The following ZGPAT variants were observed in gnomAD, a reference collection of about 807,000 sequenced individuals.
ZGPAT encodes the protein zinc finger CCCH-type with G patch domain-containing protein.
Under a neutral mutation model 47.9 loss-of-function variants are expected in ZGPAT, and 39 were observed. The observed-to-expected ratio is 0.81, with a 90% CI of 0.63 to 1.06. The LOEUF (loss-of-function observed/expected upper bound fraction) is 1.06, where lower values mean the gene tolerates loss of function less well. ZGPAT is among the 50% of genes least tolerant of loss of function. The pLI is 0.00. For synonymous variants in ZGPAT, 348 were observed against 292.9 expected, an observed-to-expected ratio of 1.19 and a Z score of -1.92; for missense variants, 717 against 681.4, an observed-to-expected ratio of 1.05 and a Z score of -0.58.
intron 2 of ZGPAT, among the ~76,000 whole-genome samples, chr20:63,729,258 G>C (rs1395016007): frequency 6.6e-6 from 1 of 152,070 alleles, no homozygotes; most frequent in Non-Finnish European, 1.5e-5. Flanking sequence ...TCAAACTCCT[G>C]ACCTCAAGTG....
chr20:63,735,902 A>G lies in ZGPAT; in HGVS notation c.1519A>G (p.Lys507Glu). 1 of 1,612,636 alleles carries G rather than the reference A, an allele frequency of 6.2e-7. No individual in the cohort carries two copies. The highest frequency in any genetic ancestry group is 8.5e-7 in the Non-Finnish European group (1 of 1,179,790). ...GCAGAGGAAGGCAGACACCCACAAG[A>G]AGATGACTGAGTTCTAGAGACCCCA... ...QEQRKADTHK[K>E]MTEF Residue 507 changes from lysine to glutamate, a missense_variant, in exon 7 of 7, where the codon AAG (lysine) becomes GAG (glutamate). By Grantham distance (56) the Lys-to-Glu change is moderately conservative. Transcript: ENST00000355969.
chr20:63,718,056 A>G (rs990855587), intron 2 of ZGPAT, among the ~76,000 whole-genome samples: 27 of 151,968 alleles, frequency 1.8e-4, no homozygotes, highest in African/African-American at 5.3e-4. Context: ...GAAAAGAAAA[A>G]AAAAAGTTTT....
At chr20:63,728,494 G>T (rs867888449) in intron 2 of ZGPAT, among the ~76,000 whole-genome samples, 2 of 152,174 alleles carry the variant, frequency 1.3e-5, no homozygotes, top group Non-Finnish European at 2.9e-5. Context: ...TGTGAGTTCA[G>T]CCAGCCCCTC....
chr20:63,718,036 T>TC (rs2091748618), intron 2 of ZGPAT, among the ~76,000 whole-genome samples: 1 of 151,130 alleles, frequency 6.6e-6, no homozygotes, highest in African/African-American at 2.4e-5. Flanking sequence ...AAAGCAAAAC[T>TC]CCATCTCAAG....
At chr20:63,718,326 TTTTC>T (rs142326702) in intron 2 of ZGPAT, among the ~76,000 whole-genome samples, 30,011 of 151,542 alleles carry the variant, frequency 0.2, 3,793 homozygotes, top group East Asian at 0.61. Flanking sequence ...CCAAAAAAGT[TTTTC>T]TTTCTTTCTT....
At chr20:63,714,803 C>T (rs972249961) in intron 2 of ZGPAT, among the ~76,000 whole-genome samples, 4 of 151,900 alleles carry the variant, frequency 2.6e-5, no homozygotes, top group Non-Finnish European at 5.9e-5. Context: ...CCACCATGCC[C>T]AGCTAATTTT....
Position 63,735,174 on chromosome 20 carries a change from C to T in ZGPAT, c.1007C>T (p.Ala336Val), listed in dbSNP as rs1379139299. 8.6e-6 allele frequency: 13 copies of T among 1,517,966 alleles called. No homozygotes were observed. The highest frequency in any genetic ancestry group is 1.1e-5 in the Non-Finnish European group (13 of 1,133,218). The allele number at this position is 1,517,966 out of a possible 1,614,324, so 94.0% of individuals were successfully genotyped here. The change falls in exon 6 of 7, where the codon GCG becomes GTG. Residue 336 changes from alanine to valine, a missense_variant. Physicochemically the swap from Ala to Val is moderately conservative, Grantham distance 64 (BLOSUM62 0). Transcript: ENST00000355969. ...GCCTCCGCAGGTTTGGGCCGACACGCGGAAGGCCGGGTGGAGCCCATCCAT... is the reference window on the plus strand; with the variant it reads ...GCCTCCGCAGGTTTGGGCCGACACGTGGAAGGCCGGGTGGAGCCCATCCAT... ...YEFGKGLGRH[A>V]EGRVEPIHAV...
chr20:63,723,747 C>T (rs1013151430), intron 2 of ZGPAT, among the ~76,000 whole-genome samples: 1 of 152,258 alleles, frequency 6.6e-6, no homozygotes, highest in African/African-American at 2.4e-5. Context: ...TTCAGCTCTT[C>T]AGCGTTATAA....
At chr20:63,713,218 C>T (rs533322866) in intron 2 of ZGPAT, among the ~76,000 whole-genome samples, 14 of 151,014 alleles carry the variant, frequency 9.3e-5, no homozygotes, top group African/African-American at 3.2e-4. Context: ...TCACAGGTGC[C>T]TGCCACCACA....
rs2091606538 is a variant in ZGPAT, at chr20:63,708,661, C to T, written c.81C>T (p.Gly27=). 1.2e-6 allele frequency: 2 copies of T among 1,612,518 alleles called. No homozygotes were observed. The highest frequency in any genetic ancestry group is 2.7e-5 in the African/African-American group (2 of 74,936). Residue 27 remains glycine (G), a synonymous_variant, in exon 2 of 7, where the codon GGC becomes GGT. Coordinates refer to ENST00000355969, the MANE Select transcript of ZGPAT (RefSeq NM_181485.3). ...AGGTGGAGCTGGCCTTGGGCGCCGGCCTGGATTCGTCTGAGCAGGCTGACC... is the reference window on the plus strand; with the variant it reads ...AGGTGGAGCTGGCCTTGGGCGCCGGTCTGGATTCGTCTGAGCAGGCTGACC... ...LQQVELALGA[G]LDSSEQADLR...
At chr20:63,713,766 G>C (rs1396453678) in intron 2 of ZGPAT, among the ~76,000 whole-genome samples, 1 of 151,294 alleles carries the variant, frequency 6.6e-6, no homozygotes, top group Non-Finnish European at 1.5e-5. Flanking sequence ...ATCTACTCAG[G>C]AGGCTGAGGC....
chr20:63,709,042 A>T lies in ZGPAT; in HGVS notation c.462A>T (p.Gly154=). ...AGTATCACAACGCCATGGTGGTGGGAACGGAAGAGGCGGAGGATGGCTCGG... is the reference window on the plus strand; with the variant it reads ...AGTATCACAACGCCATGGTGGTGGGTACGGAAGAGGCGGAGGATGGCTCGG... ...TLEYHNAMVV[G]TEEAEDGSAG... is the part of the protein sequence containing the mutation. Residue 154 remains glycine, a synonymous_variant, in exon 2 of 7, where the codon GGA becomes GGT. Transcript: ENST00000355969. 6.2e-7 allele frequency: 1 copy of T among 1,613,654 alleles called. No individual in the cohort carries two copies. The highest frequency in any genetic ancestry group is 8.5e-7 in the Non-Finnish European group (1 of 1,180,004).
At position 63,719,065 on chromosome 20, in the gene ZGPAT, CAAAA is replaced by C. The variant is rs149022199; in HGVS notation, c.584+9913_584+9916del. Among the ~76,000 whole-genome samples, 684 of 146,560 alleles carry C rather than the reference CAAAA, an allele frequency of 4.7e-3. 9 individuals are homozygous for C. Among genetic ancestry groups the C allele is most frequent in the Non-Finnish European group, 4.3e-3 (288 of 66,614 alleles). On this transcript the variant is annotated intron_variant, in intron 2 of 6. Transcript: ENST00000355969. ...TGGGCAACAGTGCGAGACTCCATCT[CAAAA>C]AAAAAAAAAAATGTCATCTCACTGC...
intron 6 of ZGPAT, 102 bp downstream of exon 6, chr20:63,735,666 C>T: frequency 6.6e-7 from 1 of 1,515,058 alleles, no homozygotes; most frequent in South Asian, 1.3e-5. Flanking sequence ...GGGCTGAGTC[C>T]AGGAGGGGTC....
chr20:63,717,968 G>A (rs566065402), intron 2 of ZGPAT, among the ~76,000 whole-genome samples: 10 of 152,182 alleles, frequency 6.6e-5, no homozygotes, highest in African/African-American at 2.2e-4. Flanking sequence ...GCTTGAACCT[G>A]GGAGGCAGAG....
At chr20:63,714,292 G>T (rs1160627641) in intron 2 of ZGPAT, among the ~76,000 whole-genome samples, 1 of 151,870 alleles carries the variant, frequency 6.6e-6, no homozygotes, top group Non-Finnish European at 1.5e-5. Context: ...TGGGTGAGGT[G>T]ATGTGCACCT....
intron 2 of ZGPAT, among the ~76,000 whole-genome samples, chr20:63,728,278 C>T (rs145170152): frequency 0.028 from 4,318 of 152,152 alleles, 85 homozygotes; most frequent in Non-Finnish European, 0.041. Flanking sequence ...CCTTGTGATC[C>T]GCCCACCTCG....
intron 2 of ZGPAT, among the ~76,000 whole-genome samples, chr20:63,715,474 C>T (rs546592183): frequency 1.3e-4 from 20 of 152,010 alleles, no homozygotes; most frequent in East Asian, 7.8e-4. Flanking sequence ...CTCCTGACCT[C>T]GTGATTCACC....
chr20:63,724,733 G>A (rs2091825934), intron 2 of ZGPAT, among the ~76,000 whole-genome samples: 2 of 149,170 alleles, frequency 1.3e-5, no homozygotes, highest in Non-Finnish European at 3.0e-5. Flanking sequence ...GAGTGCAATG[G>A]TGCAGTCTCA....
Sources: gnomAD v4.1 joint callset for allele counts (sites outside exome capture counted in the v4.1 genomes callset) on GRCh38, gnomAD v4.1.1 for gene constraint, MANE v1.5 for transcripts, NCBI Gene and HGNC (gene_info 2026-07-23, HGNC 2026-07-21) for gene names.